IGF2R: variants seen among roughly 807,000 people sequenced by gnomAD.
The protein encoded by IGF2R is insulin like growth factor 2 receptor, also known as cation-independent mannose-6-phosphate receptor.
In IGF2R, 91 loss-of-function variants were observed where a neutral mutation model predicts 270.6. The observed-to-expected ratio is 0.34, with a 90% CI of 0.28 to 0.40. The LOEUF is 0.40. IGF2R is among the 10% of genes least tolerant of loss of function. The probability of loss-of-function intolerance (pLI) is 1.00; values close to 1 mark genes in which losing one functional copy is unlikely to be tolerated. For synonymous variants in IGF2R, 1,316 were observed against 1,258.9 expected (o/e 1.05, Z -0.96); for missense variants, 2,805 against 3,188.3 (o/e 0.88, Z 2.90).
At chr6:160,073,166 C>T in intron 33 of IGF2R, 47 bp from the exon 34 acceptor site, 2 of 1,594,738 alleles carry the variant, frequency 1.3e-6, no homozygotes, top group East Asian at 2.2e-5. Context: ...GAAAATTGGC[C>T]ATCGAGTCTG....
intron 4 of IGF2R, 91 bp from the exon 5 acceptor site, chr6:160,024,481 T>C: frequency 8.1e-7 from 1 of 1,237,770 alleles, no homozygotes; most frequent in South Asian, 1.3e-5. Context: ...CCCTAAGGAA[T>C]GGAGAGCAGT....
At chr6:160,036,869 C>T (rs537382218) in intron 10 of IGF2R, among the ~76,000 whole-genome samples, 1 of 152,268 alleles carries the variant, frequency 6.6e-6, no homozygotes, top group Non-Finnish European at 1.5e-5. Context: ...CCCAGCTGCC[C>T]TAGTTTTTAG....
intron 31 of IGF2R, among the ~76,000 whole-genome samples, chr6:160,070,406 C>G (rs568036377): frequency 6.6e-6 from 1 of 152,256 alleles, no homozygotes; most frequent in African/African-American, 2.4e-5. Flanking sequence ...TGGCTGGGCC[C>G]GGGTCACAGG....
At chr6:160,091,339 C>T (rs888848110) in intron 44 of IGF2R, among the ~76,000 whole-genome samples, 5 of 111,338 alleles carry the variant, frequency 4.5e-5, no homozygotes, top group Admixed American at 9.3e-5. Flanking sequence ...AGCGCATCGC[C>T]GAGAAGGAGC....
At chr6:160,051,252 A>G (rs960515790) in intron 19 of IGF2R, among the ~76,000 whole-genome samples, 17 of 152,224 alleles carry the variant, frequency 1.1e-4, no homozygotes, top group Non-Finnish European at 2.5e-4. Context: ...GGGAGAAAGA[A>G]TGGACAGAAA....
chr6:160,080,360 C>A, intron 39 of IGF2R, 85 bp downstream of exon 39: 2 of 1,318,620 alleles, frequency 1.5e-6, no homozygotes, highest in Non-Finnish European at 2.1e-6. Context: ...TTTGTGGATG[C>A]CCCAGTCAGT....
chr6:160,005,090 C>G (rs954316940), intron 2 of IGF2R: 4 of 152,424 alleles, frequency 2.6e-5, no homozygotes, highest in African/African-American at 7.2e-5. Context: ...TTAGGTTCCT[C>G]CCGTGTTGCA....
chr6:160,024,845 A>G (rs937023151), intron 5 of IGF2R, 141 bp downstream of exon 5: 1 of 949,294 alleles, frequency 1.1e-6, no homozygotes, highest in African/African-American at 1.6e-5. Flanking sequence ...GTCCCCAAAA[A>G]TGTTCTATTT....
rs752558535 is a variant in IGF2R, at chr6:160,045,917, A to T, written c.1903+35A>T. On this transcript the variant is annotated intron_variant, in intron 14 of 47. Transcript: ENST00000356956. ...CAAGCAGGACCTCTGCTTTAATGTG[A>T]CTTGGAACCACTTAAGGTTTTTTCC... is the stretch of plus-strand genomic sequence containing the variant. 2.0e-6 allele frequency: 3 copies of T among 1,483,274 alleles called. No homozygotes were observed. The East Asian group carries it at 7.4e-5, about 36-fold the overall frequency. The allele number at this position is 1,483,274 out of a possible 1,614,324, so 91.9% of individuals were successfully genotyped here. A position where few individuals can be genotyped will look rare whatever the true frequency, so the allele number is the denominator to read the frequency against.
At chr6:160,025,485 A>G (rs1777540724) in intron 5 of IGF2R, among the ~76,000 whole-genome samples, 2 of 152,224 alleles carry the variant, frequency 1.3e-5, no homozygotes, top group Admixed American at 6.5e-5. Flanking sequence ...AAGTTTGGAG[A>G]AAATTTTAAA....
intron 19 of IGF2R, among the ~76,000 whole-genome samples, 174 bp from the exon 20 acceptor site, chr6:160,056,250 A>G (rs1778314574): frequency 6.6e-6 from 1 of 152,222 alleles, no homozygotes; most frequent in Non-Finnish European, 1.5e-5. Context: ...CATAGGGAGA[A>G]TGAGAACATT....
intron 5 of IGF2R, 116 bp from the exon 6 acceptor site, chr6:160,027,069 A>T: frequency 8.7e-7 from 1 of 1,150,568 alleles, no homozygotes; most frequent in Non-Finnish European, 1.3e-6. Flanking sequence ...CAGAATAGTT[A>T]CTTAGGGAGA....
chr6:160,047,032 T>C (rs939737415), intron 15 of IGF2R, 127 bp from the exon 16 acceptor site: 1 of 805,630 alleles, frequency 1.2e-6, no homozygotes, highest in Non-Finnish European at 2.1e-6. Context: ...TGGGTTCCTG[T>C]GGTCTGCAGC....
At chr6:160,010,429 G>A (rs1784315722) in intron 3 of IGF2R, 4 of 343,744 alleles carry the variant, frequency 1.2e-5, no homozygotes, top group Non-Finnish European at 1.6e-5. Flanking sequence ...CTCACTCAAT[G>A]TACTTGCACA....
chr6:159,986,086 T>A (rs1783878855), intron 1 of IGF2R, among the ~76,000 whole-genome samples: 1 of 152,100 alleles, frequency 6.6e-6, no homozygotes, highest in Admixed American at 6.6e-5. Flanking sequence ...TGTGGGGGCC[T>A]TTGCAGTTCT....
rs1778075358 is a variant in IGF2R, at chr6:160,046,639, C to T, written c.2045C>T (p.Ala682Val). 1 of 1,607,528 alleles carries T rather than the reference C, an allele frequency of 6.2e-7. No individual in the cohort carries two copies. The highest frequency in any genetic ancestry group is 8.5e-7 in the Non-Finnish European group (1 of 1,178,540). ...CCAGACTCAGGAGCCTGCCAGGTGGCAAAAAGGCAAGTAGCTTCTCAGTTC... is the reference window on the plus strand; with the variant it reads ...CCAGACTCAGGAGCCTGCCAGGTGGTAAAAAGGCAAGTAGCTTCTCAGTTC... The part of the protein sequence containing the change: ...CQPDSGACQV[A>V]KSDEKTWNLG... Residue 682 changes from alanine (A) to valine (V), a missense_variant, in exon 15 of 48, where the codon GCA becomes GTA. Around this residue, in one of 2 missense-constraint regions of IGF2R, gnomAD observed 954 missense variants for 981.1 expected, o/e 0.97. Transcript: ENST00000356956.
chr6:160,024,620 C>G lies in IGF2R; in HGVS notation c.562C>G (p.Pro188Ala). 6.2e-7 allele frequency: 1 copy of G among 1,613,792 alleles called. No homozygotes were observed. Among genetic ancestry groups the G allele is most frequent in the South Asian group, 1.1e-5 (1 of 91,078 alleles). ...AGAGTTGAGGAAGCATGATCTCAAT[C>G]CTCTGATCAAGCTTAGTGGTGCCTA... ...DEELRKHDLN[P>A]LIKLSGAYLV... The change falls in exon 5 of 48, where the codon CCT (proline) becomes GCT (alanine). Residue 188 changes from proline to alanine, a missense_variant. Physicochemically the swap from Pro to Ala is conservative, Grantham distance 27. This residue lies in a region of IGF2R where 954 missense variants were observed against 981.1 expected (regional missense o/e 0.97). Transcript: ENST00000356956.
intron 44 of IGF2R, chr6:160,095,098 C>G (rs1295668646): frequency 1.3e-5 from 2 of 152,290 alleles, no homozygotes; most frequent in Non-Finnish European, 2.9e-5. Context: ...CCACGTCACT[C>G]TACCTCTGGC....
Position 160,040,603 on chromosome 6 carries a change from C to G in IGF2R, c.1359C>G (p.Asp453Glu). Residue 453 changes from aspartate (D) to glutamate (E), a missense_variant, in exon 11 of 48, where the codon GAC (aspartate) becomes GAG (glutamate). By Grantham distance (45) the Asp-to-Glu change is conservative. This residue lies in a region of IGF2R where 954 missense variants were observed against 981.1 expected (regional missense o/e 0.97). Transcript: ENST00000356956. ...CTCCTGTATTCACAGGGGAGGTTGA[C>G]TGCACCTACTTCTTCACATGGGACA... is the stretch of plus-strand genomic sequence containing the variant. ...KGTPVFTGEVDCTYFFTWDTE... is the reference protein window; with the variant it reads ...KGTPVFTGEVECTYFFTWDTE... 1 of 1,614,128 alleles carries G rather than the reference C, an allele frequency of 6.2e-7. No individual in the cohort carries two copies. Among genetic ancestry groups the G allele is most frequent in the Non-Finnish European group, 8.5e-7 (1 of 1,179,974 alleles).
Sources: gnomAD v4.1 joint callset for allele counts (sites outside exome capture counted in the v4.1 genomes callset) on GRCh38, gnomAD v4.1.1 for gene constraint, gnomAD v4.1.1 regional missense constraint, MANE v1.5 for transcripts, NCBI Gene and HGNC (gene_info 2026-07-23, HGNC 2026-07-21) for gene names.